Variants in PRKG1 observed in about 807,000 individuals in gnomAD.
PRKG1 encodes the protein cGMP-dependent protein kinase 1.
In PRKG1, 35 loss-of-function variants were observed where a neutral mutation model predicts 88.1. That is an observed-to-expected ratio of 0.40 (90% CI 0.30 to 0.53). The LOEUF is 0.53. Ranked by LOEUF, PRKG1 falls within the 20% of genes least tolerant of loss-of-function variation. The pLI, the probability that PRKG1 is intolerant of heterozygous loss-of-function variation, is 0.59. For synonymous variants in PRKG1, 303 were observed against 292.5 expected (o/e 1.04, Z -0.37); for missense variants, 540 against 839.8 (o/e 0.64, Z 4.41).
intron 1 of PRKG1, among the ~76,000 whole-genome samples, chr10:51,007,031 C>T (rs555618395): frequency 6.6e-6 from 1 of 151,082 alleles, no homozygotes; most frequent in South Asian, 2.1e-4. Context: ...TTCTGCCACC[C>T]TGGTTCAAGC....
At position 52,133,693 on chromosome 10, in the gene PRKG1, T is replaced by A. The variant is rs1012561772; in HGVS notation, c.936-147T>A. On this transcript the variant is annotated intron_variant, in intron 7 of 17. Transcript: ENST00000373980. Reference sequence around the variant, plus strand: ...GGGTAAGATGATTCCTCAAAAAAAATTTTGAAACATAAACAAAGCTTAAGC... The same window carrying A: ...GGGTAAGATGATTCCTCAAAAAAAAATTTGAAACATAAACAAAGCTTAAGC... 3 of 593,234 alleles carry A rather than the reference T, an allele frequency of 5.1e-6. No individual in the cohort carries two copies. The African/African-American group carries it at 5.7e-5, about 11-fold the overall frequency. The allele number at this position is 593,234 out of a possible 1,614,324, so 36.7% of individuals were successfully genotyped here.
intron 5 of PRKG1, among the ~76,000 whole-genome samples, chr10:52,001,899 G>C (rs574358688): frequency 6.6e-6 from 1 of 151,956 alleles, no homozygotes; most frequent in African/African-American, 2.4e-5. Flanking sequence ...TTTAAATCTA[G>C]AGTAAATGGT....
At chr10:51,606,986 G>C (rs985749594) in intron 3 of PRKG1, among the ~76,000 whole-genome samples, 8 of 152,170 alleles carry the variant, frequency 5.3e-5, no homozygotes, top group African/African-American at 1.9e-4. Context: ...ATTACCCTGG[G>C]AGGGTGGAGT....
intron 1 of PRKG1, among the ~76,000 whole-genome samples, chr10:51,064,376 T>C (rs944755229): frequency 2.6e-5 from 4 of 152,122 alleles, no homozygotes; most frequent in African/African-American, 9.6e-5. Flanking sequence ...GTTGAAGATC[T>C]AGAAGTTTCA....
intron 2 of PRKG1, among the ~76,000 whole-genome samples, chr10:51,430,425 C>CACAAA (rs900261044): frequency 6.6e-6 from 1 of 151,954 alleles, no homozygotes; most frequent in African/African-American, 2.4e-5. Context: ...TGTCTCAAAA[C>CACAAA]ACAAAACAAA....
intron 3 of PRKG1, among the ~76,000 whole-genome samples, chr10:51,584,058 C>G (rs1838111105): frequency 6.6e-6 from 1 of 152,050 alleles, no homozygotes; most frequent in Admixed American, 6.6e-5. Context: ...CTTCCATTTA[C>G]TTATTTTTCC....
chr10:52,290,712 C>T (rs537174296), intron 17 of PRKG1, among the ~76,000 whole-genome samples: 2 of 151,944 alleles, frequency 1.3e-5, no homozygotes, highest in East Asian at 3.9e-4. Flanking sequence ...AAATACTAGC[C>T]AGGTGTGCTG....
chr10:51,411,502 C>T (rs921858810), intron 2 of PRKG1, among the ~76,000 whole-genome samples: 1 of 152,074 alleles, frequency 6.6e-6, no homozygotes, highest in Admixed American at 6.6e-5. Flanking sequence ...TGCATCTGCC[C>T]GTGTGTGGGA....
At chr10:51,750,126 G>C (rs997921165) in intron 3 of PRKG1, among the ~76,000 whole-genome samples, 12 of 151,952 alleles carry the variant, frequency 7.9e-5, no homozygotes, top group African/African-American at 2.9e-4. Flanking sequence ...AGTAGAGACA[G>C]GGTTTCATCA....
At chr10:51,132,087 G>T (rs1016107928) in intron 1 of PRKG1, among the ~76,000 whole-genome samples, 1 of 152,102 alleles carries the variant, frequency 6.6e-6, no homozygotes, top group African/African-American at 2.4e-5. Flanking sequence ...TAAACCTCAG[G>T]TGTGGGTTTG....
chr10:51,875,551 C>T (rs1841275567), intron 4 of PRKG1, among the ~76,000 whole-genome samples: 1 of 152,090 alleles, frequency 6.6e-6, no homozygotes, highest in African/African-American at 2.4e-5. Context: ...GAGATACAGA[C>T]ACTTGACACC....
chr10:51,830,072 GTGA>G lies in PRKG1; in HGVS notation c.698+25383_698+25385del, dbSNP rs1839966833. ...TACATGGTGACCACTTCGGGAAAGG[GTGA>G]AAAGATTTCCTGGGAGAGTAGGGTG... is the stretch of plus-strand genomic sequence containing the variant. On this transcript the variant is annotated intron_variant, in intron 4 of 17. Coordinates refer to ENST00000373980, the MANE Select transcript of PRKG1 (RefSeq NM_006258.4). 1.4e-4 allele frequency among the ~76,000 whole-genome samples: 21 copies of G among 152,232 alleles called. No homozygotes were observed. In the South Asian group the frequency reaches 3.9e-3, roughly 29 times the overall value.
chr10:51,584,803 A>T (rs1165622877), intron 3 of PRKG1, among the ~76,000 whole-genome samples: 1 of 152,154 alleles, frequency 6.6e-6, no homozygotes. Flanking sequence ...TAGTTCAGTT[A>T]GGAAGACTTA....
At chr10:51,416,139 A>C (rs1283934727) in intron 2 of PRKG1, among the ~76,000 whole-genome samples, 1 of 152,212 alleles carries the variant, frequency 6.6e-6, no homozygotes, top group Non-Finnish European at 1.5e-5. Flanking sequence ...TTAACTTCTC[A>C]AGTTGTGAAT....
chr10:51,263,351 G>T (rs1328419668), intron 2 of PRKG1, among the ~76,000 whole-genome samples: 3 of 152,038 alleles, frequency 2.0e-5, no homozygotes, highest in Non-Finnish European at 4.4e-5. Flanking sequence ...GTTTTTGTTT[G>T]TTTGTTTGTT....
intron 3 of PRKG1, among the ~76,000 whole-genome samples, chr10:51,661,448 C>T (rs1410673451): frequency 6.6e-6 from 1 of 152,118 alleles, no homozygotes; most frequent in African/African-American, 2.4e-5. Context: ...CAAAAGAAGA[C>T]ATTTATGCAG....
intron 1 of PRKG1, among the ~76,000 whole-genome samples, chr10:51,144,056 A>G (rs1845883684): frequency 6.6e-6 from 1 of 151,998 alleles, no homozygotes; most frequent in South Asian, 2.1e-4. Context: ...GATCAGTGTC[A>G]TGAAATATTT....
intron 4 of PRKG1, among the ~76,000 whole-genome samples, chr10:51,872,244 A>G (rs1387859799): frequency 6.6e-6 from 1 of 152,172 alleles, no homozygotes; most frequent in African/African-American, 2.4e-5. Flanking sequence ...CTGTCGTATG[A>G]CTTGTGGCAA....
At chr10:52,166,101 T>C (rs183077183) in intron 9 of PRKG1, among the ~76,000 whole-genome samples, 283 of 152,286 alleles carry the variant, frequency 1.9e-3, no homozygotes, top group African/African-American at 6.6e-3. Flanking sequence ...GAAATTATAA[T>C]CACAAAGACA....
Sources: allele counts gnomAD v4.1 joint callset (sites outside exome capture counted in the v4.1 genomes callset), GRCh38; gene constraint gnomAD v4.1.1; transcripts MANE v1.5; gene names NCBI Gene and HGNC (gene_info 2026-07-23, HGNC 2026-07-21).